LYST: variants seen among roughly 807,000 people sequenced by gnomAD.
The protein encoded by LYST is lysosomal trafficking regulator, also known as lysosomal-trafficking regulator.
LYST carries 192 observed loss-of-function variants against 413.6 expected under a neutral mutation model. That is an observed-to-expected ratio of 0.46 (90% CI 0.41 to 0.52). LYST has a LOEUF of 0.52. Ranked by LOEUF, LYST falls within the 20% of genes least tolerant of loss-of-function variation. LYST has a pLI of 0.00. For missense variants in LYST, 3,815 were observed against 4,499.9 expected (o/e 0.85, Z 4.35); for synonymous variants, 1,525 against 1,567.3 (o/e 0.97, Z 0.64).
At chr1:235,706,189 C>A (rs1661972707) in intron 44 of LYST, among the ~76,000 whole-genome samples, 1 of 152,160 alleles carries the variant, frequency 6.6e-6, no homozygotes, top group African/African-American at 2.4e-5. Flanking sequence ...GAGTTTAGGA[C>A]ACACAACCCC....
Position 235,708,726 on chromosome 1 carries a change from T to C in LYST, c.10143+365A>G, listed in dbSNP as rs575648379. 2.0e-5 allele frequency among the ~76,000 whole-genome samples: 3 copies of C among 152,316 alleles called. No homozygotes were observed. In the East Asian group the frequency reaches 5.8e-4, roughly 29 times the overall value. On this transcript the variant is annotated intron_variant, in intron 44 of 52. Coordinates refer to ENST00000389793, the MANE Select transcript of LYST (RefSeq NM_000081.4). ...AGGAGGCTGAGTATGCTTTTTGTGC[T>C]TTACCAGGGGTAGATTCTTGGATGT...
chr1:235,845,643 G>T (rs960714037), intron 1 of LYST, among the ~76,000 whole-genome samples: 1 of 48,158 alleles, frequency 2.1e-5, no homozygotes, highest in African/African-American at 2.7e-4. Flanking sequence ...CCGGCAGTTA[G>T]GGGGGACACG....
intron 14 of LYST, among the ~76,000 whole-genome samples, chr1:235,785,392 T>C (rs1670314527): frequency 6.6e-6 from 1 of 152,230 alleles, no homozygotes; most frequent in East Asian, 1.9e-4. Context: ...TGTGTCTATC[T>C]TGTTTACCAT....
chr1:235,778,704 C>A (rs981383628), intron 16 of LYST, among the ~76,000 whole-genome samples: 1 of 151,082 alleles, frequency 6.6e-6, no homozygotes, highest in Non-Finnish European at 1.5e-5. Context: ...TATTTATGAC[C>A]CACAGCAATC....
intron 13 of LYST, 111 bp from the exon 14 acceptor site, chr1:235,787,484 TA>T (rs1212355075): frequency 1.3e-5 from 12 of 951,366 alleles, no homozygotes; most frequent in Non-Finnish European, 2.0e-5. Flanking sequence ...AAATCAGTTC[TA>T]TTTTTTTTAA....
intron 1 of LYST, among the ~76,000 whole-genome samples, chr1:235,849,775 C>CAAAAAAAAAAAAA: frequency 1.6e-5 from 1 of 61,842 alleles, no homozygotes; most frequent in South Asian, 6.9e-4. Context: ...ACAATAGCTC[C>CAAAAAAAAAAAAA]AAAAAAAAAA....
intron 19 of LYST, among the ~76,000 whole-genome samples, chr1:235,771,765 T>C (rs919126879): frequency 3.3e-5 from 5 of 152,092 alleles, no homozygotes; most frequent in African/African-American, 1.2e-4. Flanking sequence ...TTTTCTCTGT[T>C]TTGTGGCTGC....
intron 44 of LYST, among the ~76,000 whole-genome samples, chr1:235,706,298 T>C (rs77866548): frequency 0.013 from 1,926 of 152,300 alleles, 48 homozygotes; most frequent in African/African-American, 0.044. Flanking sequence ...GATTTTCACT[T>C]AGGAGTTACC....
chr1:235,728,044 T>A, intron 38 of LYST, 32 bp downstream of exon 38: 2 of 1,527,578 alleles, frequency 1.3e-6, no homozygotes, highest in Non-Finnish European at 1.8e-6. Context: ...CTGTCTAGAT[T>A]TATGTAAATA....
chr1:235,848,968 A>G (rs1275875089), intron 1 of LYST, among the ~76,000 whole-genome samples: 2 of 152,240 alleles, frequency 1.3e-5, no homozygotes, highest in South Asian at 2.1e-4. Context: ...TCCTTTTGAC[A>G]CTATTCCACA....
intron 1 of LYST, among the ~76,000 whole-genome samples, chr1:235,841,874 A>G (rs1310036375): frequency 8.5e-5 from 13 of 152,208 alleles, no homozygotes; most frequent in Admixed American, 8.5e-4. Context: ...AAGAGAGTCT[A>G]GAGATTGGGG....
At chr1:235,705,101 A>G (rs1011305673) in intron 44 of LYST, among the ~76,000 whole-genome samples, 4 of 152,184 alleles carry the variant, frequency 2.6e-5, no homozygotes, top group African/African-American at 7.2e-5. Context: ...TATTATTCAC[A>G]TTTGACAAGT....
intron 37 of LYST, among the ~76,000 whole-genome samples, chr1:235,728,675 G>T (rs1226692751): frequency 6.6e-6 from 1 of 152,138 alleles, no homozygotes; most frequent in Non-Finnish European, 1.5e-5. Flanking sequence ...GTTTTAAAAT[G>T]TTGGGAACTT....
chr1:235,720,173 C>CAAAAAAAAAA (rs71576484), intron 40 of LYST, among the ~76,000 whole-genome samples: 1 of 9,474 alleles, frequency 1.1e-4, no homozygotes, highest in African/African-American at 2.3e-4. Flanking sequence ...GACTCTGTCT[C>CAAAAAAAAAA]AAAAAAAAAA....
In LYST at chr1:235,744,167, G is replaced by GA; in HGVS notation, c.7973-11dup. 2.1e-6 allele frequency: 3 copies of GA among 1,437,682 alleles called. No homozygotes were observed. Among genetic ancestry groups the GA allele is most frequent in the Non-Finnish European group, 2.0e-6 (2 of 1,020,214 alleles). The allele number at this position is 1,437,682 out of a possible 1,614,324, so 89.1% of individuals were successfully genotyped here. The stretch of plus-strand genomic sequence containing the variant: ...ATGTCTGAATTAAATTCTTTGAATT[G>GA]AAAAAAAGAATACAAAATTAGTCAT... On this transcript the variant is annotated splice_polypyrimidine_tract_variant and intron_variant, in intron 29 of 52. Coordinates refer to ENST00000389793, the MANE Select transcript of LYST (RefSeq NM_000081.4).
chr1:235,844,271 AAAGAT>A (rs1441567416), intron 1 of LYST, among the ~76,000 whole-genome samples: 1 of 152,214 alleles, frequency 6.6e-6, no homozygotes, highest in Non-Finnish European at 1.5e-5. Flanking sequence ...TATGAGAAAA[AAAGAT>A]AACACCATTT....
intron 28 of LYST, 100 bp downstream of exon 28, chr1:235,751,110 G>T: frequency 8.3e-7 from 1 of 1,202,860 alleles, no homozygotes; most frequent in Non-Finnish European, 1.2e-6. Context: ...TAAATTTTAT[G>T]TAAAACAAGA....
At chr1:235,675,446 C>A (rs1248160148) in intron 50 of LYST, among the ~76,000 whole-genome samples, 1 of 152,078 alleles carries the variant, frequency 6.6e-6, no homozygotes, top group Non-Finnish European at 1.5e-5. Context: ...CTCCTTTTTT[C>A]GGTGTGCTCT....
At chr1:235,821,478 C>G (rs1026800520) in intron 3 of LYST, among the ~76,000 whole-genome samples, 2 of 152,084 alleles carry the variant, frequency 1.3e-5, no homozygotes, top group Admixed American at 6.6e-5. Flanking sequence ...TTCTTCTAAT[C>G]TTTGTATATG....
Sources: gnomAD v4.1 joint callset for allele counts (sites outside exome capture counted in the v4.1 genomes callset) on GRCh38, gnomAD v4.1.1 for gene constraint, MANE v1.5 for transcripts, NCBI Gene and HGNC (gene_info 2026-07-23, HGNC 2026-07-21) for gene names.